Variants in LPIN1 observed in about 807,000 individuals in gnomAD.
LPIN1 encodes lipin 1, also known as phosphatidate phosphatase LPIN1.
A neutral mutation model predicts 107.5 loss-of-function variants in LPIN1; 71 were observed. The observed-to-expected ratio is 0.66, with a 90% CI of 0.55 to 0.80. The LOEUF (loss-of-function observed/expected upper bound fraction) is 0.80. Among genes scored for constraint, LPIN1 ranks in the 30% least tolerant of loss-of-function variants. The probability of loss-of-function intolerance (pLI) is 0.00; values close to 1 mark genes in which losing one functional copy is unlikely to be tolerated. For synonymous variants in LPIN1, 445 were observed against 452.6 expected (o/e 0.98, Z 0.21); for missense variants, 1,043 against 1,160.6 (o/e 0.90, Z 1.47).
intron 12 of LPIN1, 129 bp downstream of exon 12, chr2:11,788,585 G>A (rs1041322100): frequency 3.9e-6 from 3 of 761,126 alleles, no homozygotes; most frequent in African/African-American, 1.7e-5. Context: ...TGAAGTTCAT[G>A]AGCATACAGG....
intron 4 of LPIN1, among the ~76,000 whole-genome samples, chr2:11,772,045 C>G (rs1442243293): frequency 6.6e-6 from 1 of 152,200 alleles, no homozygotes; most frequent in African/African-American, 2.4e-5. Context: ...GACAGATCAT[C>G]AGGCATTAGA....
At chr2:11,717,760 G>C (rs1412117504) in intron 2 of LPIN1, among the ~76,000 whole-genome samples, 3 of 151,620 alleles carry the variant, frequency 2.0e-5, no homozygotes, top group Non-Finnish European at 4.4e-5. Context: ...GGCCTTCTAA[G>C]TTGGTCCCAT....
chr2:11,721,267 T>TGTGTGTGTGTGG (rs1664123405), upstream of LPIN1, among the ~76,000 whole-genome samples: 1 of 113,180 alleles, frequency 8.8e-6, no homozygotes, highest in Non-Finnish European at 2.0e-5. Flanking sequence ...TGCATGCGTG[T>TGTGTGTGTGTGG]GTGTGTGTGT....
chr2:11,809,079 T>C (rs1679210288), intron 17 of LPIN1, among the ~76,000 whole-genome samples: 1 of 151,960 alleles, frequency 6.6e-6, no homozygotes, highest in Non-Finnish European at 1.5e-5. Flanking sequence ...TGAGTATTGA[T>C]GAAACAGAAC....
At chr2:11,787,940 CAAAA>C (rs748630756) in intron 11 of LPIN1, among the ~76,000 whole-genome samples, 2 of 96,468 alleles carry the variant, frequency 2.1e-5, no homozygotes, top group Non-Finnish European at 2.3e-5. Context: ...GACTCTGTCT[CAAAA>C]AAAAAAAAAA....
At chr2:11,785,126 C>T (rs756052043) in intron 10 of LPIN1, 50 bp downstream of exon 10, 14 of 1,418,612 alleles carry the variant, frequency 9.9e-6, no homozygotes, top group Non-Finnish European at 1.1e-5. Flanking sequence ...GGTCAGAAGG[C>T]GCAGAGGCTT....
intron 13 of LPIN1, among the ~76,000 whole-genome samples, chr2:11,793,959 A>G (rs1479743145): frequency 6.6e-6 from 1 of 152,224 alleles, no homozygotes; most frequent in Non-Finnish European, 1.5e-5. Flanking sequence ...CTGGGAAAGT[A>G]GTATGAAGAA....
intron 14 of LPIN1, among the ~76,000 whole-genome samples, chr2:11,802,482 C>T (rs1057459501): frequency 6.6e-6 from 1 of 152,046 alleles, no homozygotes; most frequent in Admixed American, 6.6e-5. Context: ...GTATATTTGG[C>T]GAGCTTTATA....
At chr2:11,680,265 T>C (rs925793502) in intron 1 of LPIN1, among the ~76,000 whole-genome samples, 1 of 151,866 alleles carries the variant, frequency 6.6e-6, no homozygotes, top group African/African-American at 2.4e-5. Context: ...GGCTGGAAAA[T>C]GGCAGCTGGC....
chr2:11,712,172 A>C (rs912382837), intron 1 of LPIN1, among the ~76,000 whole-genome samples: 19 of 152,078 alleles, frequency 1.2e-4, no homozygotes. Context: ...GCATGTGCTC[A>C]ACTACTCTGG....
intron 2 of LPIN1, among the ~76,000 whole-genome samples, chr2:11,718,626 A>G (rs1663911042): frequency 6.6e-6 from 1 of 152,220 alleles, no homozygotes; most frequent in African/African-American, 2.4e-5. Flanking sequence ...AATTTTGTAC[A>G]CATTGTTCCA....
Position 11,776,126 on chromosome 2 carries a change from G to A in LPIN1, c.763G>A (p.Val255Ile). Residue 255 changes from valine to isoleucine, a missense_variant, in exon 6 of 21, where the codon GTT becomes ATT. Val to Ile is a conservative substitution (Grantham distance 29, BLOSUM62 3). Transcript: ENST00000674199. ...CAAAAGGACTGCCCCTCATCTTGCA[G>A]TTGCGGCCGAGGGAGGTCTGTCTAG... ...DCKRTAPHLAVAAEGGLSSSC... is the reference protein window; with the variant it reads ...DCKRTAPHLAIAAEGGLSSSC... The A allele has an allele frequency of 6.5e-7, 1 of 1,548,762 alleles. No homozygotes were observed. Among genetic ancestry groups the A allele is most frequent in the African/African-American group, 1.4e-5 (1 of 73,062 alleles).
chr2:11,801,760 A>G (rs374173723), intron 14 of LPIN1, among the ~76,000 whole-genome samples: 95 of 152,318 alleles, frequency 6.2e-4, no homozygotes, highest in African/African-American at 2.1e-3. Flanking sequence ...AAGATTTGAA[A>G]TGTTCCCAAC....
chr2:11,778,138 G>GTT (rs112852830), intron 6 of LPIN1, among the ~76,000 whole-genome samples: 1 of 151,620 alleles, frequency 6.6e-6, no homozygotes, highest in African/African-American at 2.4e-5. Context: ...ACATGGACGT[G>GTT]GGGGGGCCCA....
rs974534291 is a variant in LPIN1 at position 11,711,570 on chromosome 2, G to A, written c.82-2186G>A. 2.0e-5 allele frequency among the ~76,000 whole-genome samples: 3 copies of A among 152,066 alleles called. No homozygotes were observed. The East Asian group carries it at 5.8e-4, about 29-fold the overall frequency. Reference sequence around the variant, plus strand: ...CTCTTGCTTTCCTAATTTAGTGAATGATATAATCATCTACCTAGTCACCCA... The same window carrying A: ...CTCTTGCTTTCCTAATTTAGTGAATAATATAATCATCTACCTAGTCACCCA... On this transcript the variant is annotated intron_variant, in intron 1 of 21. Transcript: ENST00000449576.
intron 1 of LPIN1, among the ~76,000 whole-genome samples, chr2:11,756,238 C>T (rs532465066): frequency 2.0e-5 from 3 of 152,208 alleles, no homozygotes; most frequent in South Asian, 2.1e-4. Flanking sequence ...TCCCAGATAA[C>T]GTGCCTTAGG....
Position 11,776,212 on chromosome 2 carries a change from C to T in LPIN1, c.830+19C>T. On this transcript the variant is annotated intron_variant, in intron 6 of 20. Transcript: ENST00000674199. ...CGGAAAGGTAGAGGAGTTATTTTCC[C>T]CATTGGGATATATTCAATAATGAAA... 6.9e-7 allele frequency: 1 copy of T among 1,449,316 alleles called. No homozygotes were observed. The highest frequency in any genetic ancestry group is 9.4e-7 in the Non-Finnish European group (1 of 1,062,912). The allele number at this position is 1,449,316 out of a possible 1,614,324, so 89.8% of individuals were successfully genotyped here.
At chr2:11,740,048 TA>T (rs775567321) in intron 1 of LPIN1, among the ~76,000 whole-genome samples, 1 of 152,178 alleles carries the variant, frequency 6.6e-6, no homozygotes, top group Non-Finnish European at 1.5e-5. Context: ...GCTGGTGACA[TA>T]GCTCAGTCTG....
chr2:11,692,043 G>A (rs1040722591), intron 1 of LPIN1, among the ~76,000 whole-genome samples: 1 of 152,164 alleles, frequency 6.6e-6, no homozygotes, highest in Non-Finnish European at 1.5e-5. Context: ...AGTTCTGGGG[G>A]CTGTCACTTT....
Sources: gnomAD v4.1 joint callset for allele counts (sites outside exome capture counted in the v4.1 genomes callset) on GRCh38, gnomAD v4.1.1 for gene constraint, MANE v1.5 for transcripts, NCBI Gene and HGNC (gene_info 2026-07-23, HGNC 2026-07-21) for gene names.